Variants in CACNA1D observed in about 807,000 individuals in gnomAD.
CACNA1D encodes the protein voltage-dependent L-type calcium channel subunit alpha-1D.
In CACNA1D, 55 loss-of-function variants were observed where a neutral mutation model predicts 257.1. The observed-to-expected ratio is 0.21, with a 90% CI of 0.17 to 0.27. The LOEUF (loss-of-function observed/expected upper bound fraction) is 0.27. CACNA1D is among the 10% of genes least tolerant of loss of function. CACNA1D has a pLI of 1.00. For synonymous variants in CACNA1D, 980 were observed against 1,014.9 expected (o/e 0.97, Z 0.65); for missense variants, 1,876 against 2,784.0 (o/e 0.67, Z 7.34).
intron 9 of CACNA1D, among the ~76,000 whole-genome samples, chr3:53,708,247 T>G (rs1210570746): frequency 1.3e-5 from 2 of 152,282 alleles, no homozygotes; most frequent in African/African-American, 4.8e-5. Flanking sequence ...TTTACAAAAC[T>G]GCTTTCATCA....
In CACNA1D at chr3:53,729,299, A is replaced by G. The variant is rs372818261; in HGVS notation, c.2222-1143A>G. On this transcript the variant is annotated intron_variant, in intron 15 of 47. Transcript: ENST00000350061. ...CTTGAATAGATTAGTCAGGCGTGCT[A>G]TTCCCTCACAGAGATTTCATCATCT... Among the ~76,000 whole-genome samples the G allele has an allele frequency of 1.9e-3, 284 of 152,338 alleles. 6 individuals carry two copies. In the South Asian group the frequency reaches 0.048, roughly 26 times the overall value.
chr3:53,803,346 C>T (rs2095545843), intron 43 of CACNA1D, 77 bp from the exon 44 acceptor site: 1 of 1,569,684 alleles, frequency 6.4e-7, no homozygotes, highest in Admixed American at 1.7e-5. Flanking sequence ...GGGTTGCCGG[C>T]CACAGGCAGA....
chr3:53,774,433 GC>G lies in CACNA1D; in HGVS notation c.4111-152del. The G allele has an allele frequency of 1.5e-6, 1 of 657,084 alleles. No homozygotes were observed. The highest frequency in any genetic ancestry group is 2.8e-6 in the Non-Finnish European group (1 of 361,742). The allele number at this position is 657,084 out of a possible 1,614,324, so 40.7% of individuals were successfully genotyped here. Reference sequence around the variant, plus strand: ...AACCTGCTGCCTGGCACATGGTTGTGCCTGGCAGATCTTTTTTGAATGAGTG... The same window carrying G: ...AACCTGCTGCCTGGCACATGGTTGTGCTGGCAGATCTTTTTTGAATGAGTG... On this transcript the variant is annotated intron_variant, in intron 33 of 47. Coordinates refer to ENST00000350061, the MANE Select transcript of CACNA1D (RefSeq NM_001128840.3). This position sits in a 1 kb window ranked among gnomAD's most constrained non-coding sequence, Gnocchi z 4.3.
At chr3:53,543,390 T>G (rs2092346511) in intron 3 of CACNA1D, among the ~76,000 whole-genome samples, 2 of 152,306 alleles carry the variant, frequency 1.3e-5, no homozygotes, top group South Asian at 4.1e-4. Context: ...GACTTCAGCA[T>G]TTACAGTTGA....
chr3:53,594,105 G>A (rs1034030661), intron 3 of CACNA1D, among the ~76,000 whole-genome samples: 3 of 152,332 alleles, frequency 2.0e-5, no homozygotes, highest in African/African-American at 4.8e-5. Flanking sequence ...ACGTGTGTCC[G>A]TGTGTGTAAA....
chr3:53,668,485 C>T (rs549244255), intron 7 of CACNA1D, among the ~76,000 whole-genome samples: 148 of 152,276 alleles, frequency 9.7e-4, no homozygotes, highest in African/African-American at 3.5e-3. Flanking sequence ...TAATTGCACT[C>T]TCCATAAATT....
At chr3:53,786,727 C>CCCA in intron 39 of CACNA1D, 95 bp from the exon 40 acceptor site, 1 of 631,222 alleles carries the variant, frequency 1.6e-6, no homozygotes, top group Non-Finnish European at 2.7e-6. Context: ...ACCCGCCCCA[C>CCCA]TCTGCCCCTG....
At chr3:53,748,113 G>A (rs3846215) in intron 26 of CACNA1D, among the ~76,000 whole-genome samples, 37,370 of 152,192 alleles carry the variant, frequency 0.25, 6,027 homozygotes, top group Non-Finnish European at 0.36. Flanking sequence ...TGCAGAACAG[G>A]GTCCTGAAGA....
Position 53,808,467 on chromosome 3 carries a change from G to T in CACNA1D, c.5750-182G>T, listed in dbSNP as rs2095578603. The T allele has an allele frequency of 4.5e-6, 3 of 669,394 alleles. No individual in the cohort carries two copies. The African/African-American group carries it at 5.4e-5, about 12-fold the overall frequency. The allele number at this position is 669,394 out of a possible 1,614,324, so 41.5% of individuals were successfully genotyped here. The stretch of plus-strand genomic sequence containing the variant: ...ACTTTAAAAAACATCCCTCACTGGG[G>T]CTTCTGCCTTCATCCTCTCCTACTA... On this transcript the variant is annotated intron_variant, in intron 45 of 47. Transcript: ENST00000350061.
intron 38 of CACNA1D, among the ~76,000 whole-genome samples, chr3:53,780,472 G>T (rs1167823742): frequency 6.6e-6 from 1 of 152,216 alleles, no homozygotes; most frequent in South Asian, 2.1e-4. Flanking sequence ...TGTATGACCT[G>T]CAGTGAGGGA....
At chr3:53,787,207 C>G (rs896561634) in intron 40 of CACNA1D, among the ~76,000 whole-genome samples, 1 of 152,148 alleles carries the variant, frequency 6.6e-6, no homozygotes, top group African/African-American at 2.4e-5. Flanking sequence ...CGGAGAGGAG[C>G]GAGCGCTACC....
intron 32 of CACNA1D, 87 bp downstream of exon 32, chr3:53,770,639 C>T (rs891435213): frequency 3.8e-6 from 5 of 1,308,646 alleles, no homozygotes; most frequent in Non-Finnish European, 1.1e-6. Context: ...GACCCAGGCT[C>T]CCCCTGTGTG....
chr3:53,704,817 A>T (rs1261481229), intron 9 of CACNA1D, among the ~76,000 whole-genome samples: 2 of 152,252 alleles, frequency 1.3e-5, no homozygotes, highest in East Asian at 3.9e-4. Flanking sequence ...TCCCCCAGGG[A>T]GCTGAGTGAG....
At chr3:53,674,543 C>CA (rs1374183165) in intron 8 of CACNA1D, among the ~76,000 whole-genome samples, 1 of 152,222 alleles carries the variant, frequency 6.6e-6, no homozygotes, top group Non-Finnish European at 1.5e-5. Context: ...ATTGACTCTC[C>CA]ATAAAGAGGG....
intron 3 of CACNA1D, among the ~76,000 whole-genome samples, chr3:53,618,020 T>C (rs2093655929): frequency 6.6e-6 from 1 of 152,194 alleles, no homozygotes; most frequent in Non-Finnish European, 1.5e-5. Flanking sequence ...GAGCCACAGC[T>C]CTGGCTGGGC....
At chr3:53,734,333 G>A (rs941616911) in intron 19 of CACNA1D, among the ~76,000 whole-genome samples, 3 of 151,106 alleles carry the variant, frequency 2.0e-5, no homozygotes, top group Non-Finnish European at 2.9e-5. Context: ...ATATACACAC[G>A]TATATACTTT....
In CACNA1D at chr3:53,774,257, A is replaced by G; in HGVS notation, c.4111-330A>G. ...CTGACCCAGCCCCCCAGCCTTCAGT[A>G]GATGAGCCTGTCTCACGCTTCCCTG... On this transcript the variant is annotated intron_variant, in intron 33 of 47. Transcript: ENST00000350061. The surrounding 1 kb of genome is among the most constrained non-coding windows in gnomAD (Gnocchi z 4.3). 2.9e-6 allele frequency: 1 copy of G among 350,290 alleles called. No homozygotes were observed. Among genetic ancestry groups the G allele is most frequent in the East Asian group, 6.9e-5 (1 of 14,454 alleles). 21.7% of individuals were successfully genotyped at this position (350,290 alleles called of 1,614,324 possible). A position where few individuals can be genotyped will look rare whatever the true frequency, so the allele number is the denominator to read the frequency against.
At chr3:53,521,322 A>G (rs1192007251) in intron 3 of CACNA1D, among the ~76,000 whole-genome samples, 1 of 152,196 alleles carries the variant, frequency 6.6e-6, no homozygotes, top group Non-Finnish European at 1.5e-5. Flanking sequence ...TGTTCCAGGC[A>G]TGAGCTACTC....
intron 44 of CACNA1D, among the ~76,000 whole-genome samples, chr3:53,804,425 C>A (rs1466270870): frequency 6.6e-6 from 1 of 152,210 alleles, no homozygotes; most frequent in Non-Finnish European, 1.5e-5. Context: ...TGGCCTCATC[C>A]CCCCTGTCGA....
Sources: gnomAD v4.1 joint callset for allele counts (sites outside exome capture counted in the v4.1 genomes callset) on GRCh38, gnomAD v4.1.1 for gene constraint, Gnocchi (gnomAD v3.1) non-coding constraint, MANE v1.5 for transcripts, NCBI Gene and HGNC (gene_info 2026-07-23, HGNC 2026-07-21) for gene names.